The following TEK variants were observed in gnomAD, a reference collection of about 807,000 sequenced individuals.
TEK encodes the protein TEK receptor tyrosine kinase.
A neutral mutation model predicts 131.8 loss-of-function variants in TEK; 43 were observed. That is an observed-to-expected ratio of 0.33 (90% CI 0.26 to 0.42). The LOEUF is 0.42. Among genes scored for constraint, TEK ranks in the 10% least tolerant of loss-of-function variants. The probability of loss-of-function intolerance (pLI) is 1.00; values close to 1 mark genes in which losing one functional copy is unlikely to be tolerated. For synonymous variants in TEK, 580 were observed against 491.6 expected (o/e 1.18, Z -2.38); for missense variants, 1,162 against 1,384.4 (o/e 0.84, Z 2.55).
intron 1 of TEK, among the ~76,000 whole-genome samples, chr9:27,138,927 T>C (rs1295390092): frequency 1.3e-5 from 2 of 152,006 alleles, no homozygotes; most frequent in Non-Finnish European, 2.9e-5. Context: ...GTAGGATTCT[T>C]AGATGGGCAC....
chr9:27,218,347 C>A (rs1825906549), intron 19 of TEK, among the ~76,000 whole-genome samples: 1 of 151,954 alleles, frequency 6.6e-6, no homozygotes, highest in Admixed American at 6.6e-5. Context: ...ATGCAAGGTG[C>A]TTTTTATGTT....
At position 27,183,569 on chromosome 9, in the gene TEK, G is replaced by A. The variant is rs1296261695; in HGVS notation, c.1141G>A (p.Glu381Lys). ...TTCTGGCTGGCCGCTACCTACTAATGAAGAAATGACCCTGGTGAAGCCGGA... is the reference window on the plus strand; with the variant it reads ...TTCTGGCTGGCCGCTACCTACTAATAAAGAAATGACCCTGGTGAAGCCGGA... ...KASGWPLPTN[E>K]EMTLVKPDGT... The change falls in exon 8 of 23, where the codon GAA becomes AAA. Residue 381 changes from glutamate to lysine, a missense_variant. Coordinates refer to ENST00000380036, the MANE Select transcript of TEK (RefSeq NM_000459.5). 1.9e-6 allele frequency: 3 copies of A among 1,613,918 alleles called. No homozygotes were observed. In the Admixed American group the frequency reaches 5.0e-5, roughly 27 times the overall value.
chr9:27,149,224 G>A (rs1587519138), intron 1 of TEK, among the ~76,000 whole-genome samples: 1 of 152,130 alleles, frequency 6.6e-6, no homozygotes, highest in East Asian at 1.9e-4. Flanking sequence ...CTTTTAGATG[G>A]TGTTTAGACT....
rs1232728271 is a variant in TEK, at chr9:27,205,072, T to C, written c.2364+7T>C. ...CCAAGCCTTCCAAAACGTGGTAGTG[T>C]CTCATCTTCCTACTAGCTAATAAGG... On this transcript the variant is annotated splice_region_variant and intron_variant, in intron 14 of 22. Transcript: ENST00000380036. 2.5e-6 allele frequency: 4 copies of C among 1,613,886 alleles called. No homozygotes were observed.
At chr9:27,164,728 G>A (rs888595196) in intron 2 of TEK, among the ~76,000 whole-genome samples, 1 of 152,054 alleles carries the variant, frequency 6.6e-6, no homozygotes, top group Non-Finnish European at 1.5e-5. Context: ...TGGAGCGGGG[G>A]TCTCACTGTG....
At chr9:27,179,133 T>G (rs981561368) in intron 6 of TEK, among the ~76,000 whole-genome samples, 5 of 152,188 alleles carry the variant, frequency 3.3e-5, no homozygotes, top group African/African-American at 1.2e-4. Context: ...AAAAATCATT[T>G]TTTTCCAACC....
In TEK at chr9:27,126,953, G is replaced by A. The variant is rs115916932; in HGVS notation, c.52+17311G>A. Among the ~76,000 whole-genome samples the A allele has an allele frequency of 3.6e-3, 555 of 152,282 alleles. 2 individuals carry two copies. Among genetic ancestry groups the A allele is most frequent in the African/African-American group, 9.9e-3 (410 of 41,568 alleles). ...AACAACATAAAACAGATGCAACTCC[G>A]TGATGTTAGCTAGTAACACAACTTT... is the stretch of plus-strand genomic sequence containing the variant. On this transcript the variant is annotated intron_variant, in intron 1 of 22. Coordinates refer to ENST00000380036, the MANE Select transcript of TEK (RefSeq NM_000459.5).
intron 10 of TEK, chr9:27,192,111 C>T (rs1255410602): frequency 2.6e-6 from 1 of 378,846 alleles, no homozygotes; most frequent in East Asian, 7.1e-5. Flanking sequence ...CTCTCGATAG[C>T]TTGATTGCAA....
intron 15 of TEK, 145 bp from the exon 16 acceptor site, chr9:27,208,976 G>A: frequency 1.4e-6 from 1 of 690,176 alleles, no homozygotes; most frequent in Non-Finnish European, 2.6e-6. Context: ...CCAAGGCCGA[G>A]AAACTCTACT....
chr9:27,168,811 A>G (rs1273345959), intron 3 of TEK, among the ~76,000 whole-genome samples: 2 of 152,254 alleles, frequency 1.3e-5, no homozygotes, highest in African/African-American at 4.8e-5. Context: ...GAATTCATAT[A>G]TATGAATGTA....
At chr9:27,228,461 A>C (rs1249150752) in intron 22 of TEK, among the ~76,000 whole-genome samples, 156 bp downstream of exon 22, 1 of 152,196 alleles carries the variant, frequency 6.6e-6, no homozygotes, top group Non-Finnish European at 1.5e-5. Context: ...GCGACTTTGA[A>C]GAAGTTACAA....
At chr9:27,221,951 C>G (rs375516477) in intron 21 of TEK, among the ~76,000 whole-genome samples, 1 of 152,104 alleles carries the variant, frequency 6.6e-6, no homozygotes, top group Non-Finnish European at 1.5e-5. Context: ...TCAAGCTAAA[C>G]GAGCATGTTC....
intron 9 of TEK, among the ~76,000 whole-genome samples, chr9:27,188,665 T>C (rs977081551): frequency 2.6e-5 from 4 of 152,184 alleles, no homozygotes; most frequent in African/African-American, 9.7e-5. Flanking sequence ...ACTGGCTTTA[T>C]TATCCTGACC....
At chr9:27,138,217 G>A (rs368829886) in intron 1 of TEK, among the ~76,000 whole-genome samples, 6 of 152,358 alleles carry the variant, frequency 3.9e-5, no homozygotes, top group African/African-American at 1.2e-4. Flanking sequence ...AGATTCCACA[G>A]TGTGGAAGGG....
At chr9:27,150,819 C>G (rs1470461583) in intron 1 of TEK, among the ~76,000 whole-genome samples, 1 of 151,662 alleles carries the variant, frequency 6.6e-6, no homozygotes, top group East Asian at 1.9e-4. Context: ...GCTGACTGAT[C>G]CTCATTCTAA....
chr9:27,114,778 A>G (rs2131028532), intron 1 of TEK, among the ~76,000 whole-genome samples: 1 of 152,332 alleles, frequency 6.6e-6, no homozygotes. Flanking sequence ...TAAAAGATAT[A>G]CTCATAAAAG....
intron 2 of TEK, among the ~76,000 whole-genome samples, chr9:27,159,106 A>G (rs980386163): frequency 3.3e-5 from 5 of 152,196 alleles, no homozygotes; most frequent in African/African-American, 1.2e-4. Context: ...GATTCCTTAC[A>G]TATATGGTGT....
intron 15 of TEK, among the ~76,000 whole-genome samples, chr9:27,207,047 G>C (rs1360828691): frequency 6.6e-6 from 1 of 152,200 alleles, no homozygotes; most frequent in Admixed American, 6.5e-5. Flanking sequence ...GGTCATATAT[G>C]GCTAACTTTT....
rs775495632 is a variant in TEK at position 27,183,444 on chromosome 9, G to A, written c.1031-15G>A. The stretch of plus-strand genomic sequence containing the variant: ...GTTAAATATTAGATTTCACAGTGCT[G>A]TTTTCTTCCTTCAGGCATACAGAGG... On this transcript the variant is annotated splice_polypyrimidine_tract_variant and intron_variant, in intron 7 of 22. Transcript: ENST00000380036. 8.1e-6 allele frequency: 13 copies of A among 1,613,264 alleles called. No individual in the cohort carries two copies. Among genetic ancestry groups the A allele is most frequent in the Non-Finnish European group, 1.1e-5 (13 of 1,179,460 alleles).
Sources: allele counts gnomAD v4.1 joint callset (sites outside exome capture counted in the v4.1 genomes callset), GRCh38; gene constraint gnomAD v4.1.1; transcripts MANE v1.5; gene names NCBI Gene and HGNC (gene_info 2026-07-23, HGNC 2026-07-21).